Variants in TRIM2 observed in about 807,000 individuals in gnomAD.
The protein encoded by TRIM2 is tripartite motif-containing protein 2.
TRIM2 carries 20 observed loss-of-function variants against 75.2 expected under a neutral mutation model. The observed-to-expected ratio is 0.27, with a 90% CI of 0.19 to 0.39. The LOEUF is 0.39. TRIM2 is among the 10% of genes least tolerant of loss of function. The pLI, the probability that TRIM2 is intolerant of heterozygous loss-of-function variation, is 1.00. For missense variants in TRIM2, 660 were observed against 990.8 expected (o/e 0.67, Z 4.48); for synonymous variants, 373 against 388.3 (o/e 0.96, Z 0.46).
Position 153,295,605 on chromosome 4 carries a change from AGG to A in TRIM2, c.1082_1083del (p.Gly361AlafsTer22). The A allele has an allele frequency of 6.2e-7, 1 of 1,613,932 alleles. No individual in the cohort carries two copies. Among genetic ancestry groups the A allele is most frequent in the East Asian group, 2.2e-5 (1 of 44,854 alleles). On this transcript the variant is annotated frameshift_variant, in exon 6 of 12. Coordinates refer to ENST00000338700, the MANE Select transcript of TRIM2 (RefSeq NM_015271.5). LOFTEE classifies it high-confidence loss of function. The surrounding 1 kb of genome is among the most constrained non-coding windows in gnomAD (Gnocchi z 7.2). Reference sequence around the variant, plus strand: ...GCCTCAGAGACAGTGGCCACGGGCGAGGGGCTGCGGCAGACCATCATCGGGCA... The same window carrying A: ...GCCTCAGAGACAGTGGCCACGGGCGAGGCTGCGGCAGACCATCATCGGGCA...
intron 1 of TRIM2, among the ~76,000 whole-genome samples, chr4:153,213,521 T>C (rs1440494412): frequency 6.6e-6 from 1 of 152,226 alleles, no homozygotes; most frequent in African/African-American, 2.4e-5. Flanking sequence ...CCCACTATTA[T>C]TTTTTACTTA....
intron 1 of TRIM2, among the ~76,000 whole-genome samples, chr4:153,241,392 G>A (rs1259667434): frequency 6.6e-6 from 1 of 152,214 alleles, no homozygotes; most frequent in African/African-American, 2.4e-5. Flanking sequence ...ATCGTTGGGG[G>A]ATGGTCCTGC....
At position 153,283,799 on chromosome 4, in the gene TRIM2, G is replaced by A. The variant is rs550950801; in HGVS notation, c.453+7669G>A. On this transcript the variant is annotated intron_variant, in intron 3 of 11. Transcript: ENST00000338700. ...CTACAGGTGCATGCCACCACGCCCC[G>A]TGAATTTTTTGTATTTTTAGTAGAG... Among the ~76,000 whole-genome samples, 11 of 148,518 alleles carry A rather than the reference G, an allele frequency of 7.4e-5. No individual in the cohort carries two copies. In the South Asian group the frequency reaches 1.3e-3, roughly 17 times the overall value.
chr4:153,308,219 A>G, intron 6 of TRIM2: 1 of 1,474,286 alleles, frequency 6.8e-7, no homozygotes, highest in Non-Finnish European at 9.5e-7. Flanking sequence ...TGACAGAGCC[A>G]TCCTCTGCTC....
intron 1 of TRIM2, among the ~76,000 whole-genome samples, chr4:153,177,284 T>C (rs1405039211): frequency 6.6e-6 from 1 of 152,196 alleles, no homozygotes; most frequent in East Asian, 1.9e-4. Flanking sequence ...GGCAAAAATA[T>C]AGTCTCATGA....
chr4:153,314,269 A>C (rs1162686930), intron 6 of TRIM2, among the ~76,000 whole-genome samples: 1 of 150,538 alleles, frequency 6.6e-6, no homozygotes, highest in African/African-American at 2.5e-5. Flanking sequence ...AAATACAAAA[A>C]ATTAGCCGGG....
intron 6 of TRIM2, among the ~76,000 whole-genome samples, chr4:153,306,824 C>G (rs1765109735): frequency 6.6e-6 from 1 of 152,184 alleles, no homozygotes. Context: ...CATATCAGAG[C>G]TCCCCTGGCC....
In TRIM2 at chr4:153,336,968, A is replaced by G; in HGVS notation, c.*2002A>G. ...GTGAGATACATCTTTGAATTTAAACATTCATATTTACTGAGTACCTACTAG... is the reference window on the plus strand; with the variant it reads ...GTGAGATACATCTTTGAATTTAAACGTTCATATTTACTGAGTACCTACTAG... On this transcript the variant is annotated 3_prime_UTR_variant, in exon 12 of 12. Transcript: ENST00000338700. 1 of 983,634 alleles carries G rather than the reference A, an allele frequency of 1.0e-6. No individual in the cohort carries two copies. The allele number at this position is 983,634 out of a possible 1,614,324, so 60.9% of individuals were successfully genotyped here.
rs771241708 is a variant in TRIM2, at chr4:153,276,121, C to T, written c.444C>T (p.His148=). 9.9e-5 allele frequency: 159 copies of T among 1,613,876 alleles called. 1 individual carries two copies. The highest frequency in any genetic ancestry group is 3.2e-5 in the Non-Finnish European group (38 of 1,179,868). Reference sequence around the variant, plus strand: ...GAAAGCCTCTCTCTTGCCCAAACCACGATGGGAATGTAAGTGGCTGGGATG... The same window carrying T: ...GAAAGCCTCTCTCTTGCCCAAACCATGATGGGAATGTAAGTGGCTGGGATG... ...AAGKPLSCPN[H]DGNVMEFYCQ... The change falls in exon 3 of 12, where the codon CAC becomes CAT. Residue 148 remains histidine, a synonymous_variant. Coordinates refer to ENST00000338700, the MANE Select transcript of TRIM2 (RefSeq NM_015271.5).
chr4:153,216,987 ATTTAGATGAACTTTG>A lies in TRIM2; in HGVS notation c.30+12442_30+12456del, dbSNP rs1392142024. Among the ~76,000 whole-genome samples, 6 of 152,334 alleles carry A rather than the reference ATTTAGATGAACTTTG, an allele frequency of 3.9e-5. No homozygotes were observed. In the South Asian group the frequency reaches 8.3e-4, roughly 21 times the overall value. On this transcript the variant is annotated intron_variant, in intron 1 of 11. Transcript: ENST00000338700. ...GCAATGAGATTCTGTGAGTTCTTTG[ATTTAGATGAACTTTG>A]TTTAGATGAACTTTTATTTCTCCCC... is the stretch of plus-strand genomic sequence containing the variant.
rs978177932 is a variant in TRIM2 at position 153,295,886 on chromosome 4, G to A, written c.1360G>A (p.Val454Met). ...FKLKVIRSAD[V>M]SPTTEGVKRR... ...GCTGAAAGTGATCCGATCCGCTGAT[G>A]TGTCTCCCACCACAGAAGGCGTGAA... is the stretch of plus-strand genomic sequence containing the variant. The change falls in exon 6 of 12, where the codon GTG becomes ATG. Residue 454 changes from valine to methionine, a missense_variant. Physicochemically the swap from Val to Met is conservative, Grantham distance 21. Transcript: ENST00000338700. The surrounding 1 kb of genome is among the most constrained non-coding windows in gnomAD (Gnocchi z 7.2). The A allele has an allele frequency of 1.9e-6, 3 of 1,613,688 alleles. No homozygotes were observed. Among genetic ancestry groups the A allele is most frequent in the Non-Finnish European group, 2.5e-6 (3 of 1,179,868 alleles).
At chr4:153,320,677 G>C (rs1327905698) in intron 8 of TRIM2, among the ~76,000 whole-genome samples, 1 of 152,160 alleles carries the variant, frequency 6.6e-6, no homozygotes, top group African/African-American at 2.4e-5. Context: ...CTGTCACCCA[G>C]GCTGGAGTGA....
intron 1 of TRIM2, among the ~76,000 whole-genome samples, chr4:153,238,519 C>T (rs1578811763): frequency 6.6e-6 from 1 of 152,184 alleles, no homozygotes; most frequent in Non-Finnish European, 1.5e-5. Context: ...GTATGAATCT[C>T]TGGCAAGGGA....
chr4:153,181,492 G>T (rs1374567837), intron 1 of TRIM2, among the ~76,000 whole-genome samples: 1 of 152,120 alleles, frequency 6.6e-6, no homozygotes, highest in South Asian at 2.1e-4. Context: ...TTGCCCCAGG[G>T]GACAGGCCAG....
At chr4:153,199,771 T>A (rs1734135050), upstream of TRIM2, among the ~76,000 whole-genome samples, 1 of 152,032 alleles carries the variant, frequency 6.6e-6, no homozygotes, top group Non-Finnish European at 1.5e-5. Context: ...ATTTATTGTT[T>A]ATTTTTATCA....
chr4:153,201,787 C>G (rs185492932), upstream of TRIM2, among the ~76,000 whole-genome samples: 223 of 152,238 alleles, frequency 1.5e-3, no homozygotes, highest in African/African-American at 4.9e-3. Flanking sequence ...TGTCCTGAAG[C>G]TTTTTAAAAT....
intron 1 of TRIM2, among the ~76,000 whole-genome samples, chr4:153,224,586 C>CA (rs1741619684): frequency 6.6e-6 from 1 of 152,190 alleles, no homozygotes; most frequent in African/African-American, 2.4e-5. Flanking sequence ...CCATCACTGA[C>CA]AAGGTTTGTT....
chr4:153,324,038 TG>T (rs1465859168), intron 9 of TRIM2, 39 bp from the exon 10 acceptor site: 2 of 1,515,494 alleles, frequency 1.3e-6, no homozygotes, highest in African/African-American at 2.7e-5. Flanking sequence ...TAATCACTTT[TG>T]TTGTAGTCAT....
intron 1 of TRIM2, among the ~76,000 whole-genome samples, chr4:153,175,004 T>G (rs927952458): frequency 1.4e-4 from 14 of 101,626 alleles, no homozygotes; most frequent in African/African-American, 3.6e-5. Context: ...TTGTTTTGTT[T>G]TTGTTTTGTT....
Sources: gnomAD v4.1 joint callset for allele counts (sites outside exome capture counted in the v4.1 genomes callset) on GRCh38, gnomAD v4.1.1 for gene constraint, Gnocchi (gnomAD v3.1) non-coding constraint, MANE v1.5 for transcripts, NCBI Gene and HGNC (gene_info 2026-07-23, HGNC 2026-07-21) for gene names.